Variants in SORBS2 observed in about 807,000 individuals in gnomAD.
SORBS2 encodes the protein sorbin and SH3 domain-containing protein 2.
In SORBS2, 46 loss-of-function variants were observed where a neutral mutation model predicts 97.7. That is an observed-to-expected ratio of 0.47 (90% CI 0.37 to 0.60). The LOEUF is 0.60. Among genes scored for constraint, SORBS2 ranks in the 20% least tolerant of loss-of-function variants. The pLI is 0.00. For missense variants in SORBS2, 1,316 were observed against 1,282.3 expected (o/e 1.03, Z -0.40); for synonymous variants, 476 against 473.4 (o/e 1.01, Z -0.07).
At chr4:185,896,700 G>A (rs372421665) in intron 1 of SORBS2, among the ~76,000 whole-genome samples, 3 of 152,192 alleles carry the variant, frequency 2.0e-5, no homozygotes, top group African/African-American at 7.2e-5. Flanking sequence ...TAGTGTAACA[G>A]GATGATTGGC....
chr4:185,852,434 C>T (rs753034622), intron 1 of SORBS2, among the ~76,000 whole-genome samples: 5 of 151,966 alleles, frequency 3.3e-5, no homozygotes, highest in Non-Finnish European at 7.4e-5. Flanking sequence ...AGGTCACCAA[C>T]CAAAAAATGG....
chr4:185,929,153 A>G (rs1561310355), intron 1 of SORBS2, among the ~76,000 whole-genome samples: 1 of 152,194 alleles, frequency 6.6e-6, no homozygotes, highest in Non-Finnish European at 1.5e-5. Flanking sequence ...ACTTTAGTTT[A>G]CACAAGAATC....
chr4:185,810,913 G>A (rs915357004), intron 1 of SORBS2: 2 of 152,140 alleles, frequency 1.3e-5, no homozygotes, highest in Non-Finnish European at 2.9e-5. Context: ...AATTGTGCAA[G>A]AAAAGAAGTT....
chr4:185,637,354 G>A (rs987827469), intron 4 of SORBS2, among the ~76,000 whole-genome samples: 1 of 152,254 alleles, frequency 6.6e-6, no homozygotes, highest in African/African-American at 2.4e-5. Context: ...GCCTAGGCGT[G>A]TAGCAGGCTC....
chr4:185,780,884 CT>C (rs2099025341), intron 1 of SORBS2, among the ~76,000 whole-genome samples: 1 of 152,126 alleles, frequency 6.6e-6, no homozygotes, highest in Non-Finnish European at 1.5e-5. Context: ...TTCTTAAAAC[CT>C]CTGTTAGAAG....
At chr4:185,706,810 G>A (rs147963187) in intron 2 of SORBS2, among the ~76,000 whole-genome samples, 1 of 152,082 alleles carries the variant, frequency 6.6e-6, no homozygotes, top group African/African-American at 2.4e-5. Flanking sequence ...ACATTGCTAA[G>A]ATTCATCTAT....
chr4:185,884,157 T>C (rs551921724), intron 1 of SORBS2, among the ~76,000 whole-genome samples: 1 of 152,310 alleles, frequency 6.6e-6, no homozygotes, highest in South Asian at 2.1e-4. Context: ...GAGCTATATA[T>C]CTAAAATGGT....
At chr4:185,928,646 T>A (rs34194389) in intron 1 of SORBS2, among the ~76,000 whole-genome samples, 1 of 151,786 alleles carries the variant, frequency 6.6e-6, no homozygotes, top group African/African-American at 2.4e-5. Flanking sequence ...CCTGGGTTCA[T>A]GCCATTCTCC....
chr4:185,868,553 G>A (rs1026013810), intron 1 of SORBS2, among the ~76,000 whole-genome samples: 1 of 152,056 alleles, frequency 6.6e-6, no homozygotes, highest in Non-Finnish European at 1.5e-5. Flanking sequence ...AAACGAAGAC[G>A]ACACAGACAA....
chr4:185,665,055 T>C (rs182640618), intron 4 of SORBS2, among the ~76,000 whole-genome samples: 1 of 152,326 alleles, frequency 6.6e-6, no homozygotes, highest in African/African-American at 2.4e-5. Context: ...ATGGAAAAGA[T>C]GTATATATTG....
At chr4:185,862,360 C>T (rs978385231) in intron 1 of SORBS2, among the ~76,000 whole-genome samples, 2 of 152,194 alleles carry the variant, frequency 1.3e-5, no homozygotes, top group African/African-American at 4.8e-5. Flanking sequence ...AGAATGGCTA[C>T]TGACAGGTTG....
chr4:185,711,065 A>G (rs2098416300), intron 2 of SORBS2, among the ~76,000 whole-genome samples: 1 of 151,872 alleles, frequency 6.6e-6, no homozygotes, highest in Non-Finnish European at 1.5e-5. Flanking sequence ...GACTGCCTGG[A>G]TTCAAGGGAC....
At chr4:185,596,516 C>G (rs1057114099) in intron 12 of SORBS2, among the ~76,000 whole-genome samples, 1 of 149,744 alleles carries the variant, frequency 6.7e-6, no homozygotes, top group African/African-American at 2.5e-5. Context: ...GTGGGGCAGC[C>G]AGCACCGTCC....
intron 1 of SORBS2, among the ~76,000 whole-genome samples, chr4:185,926,316 G>A (rs529129472): frequency 6.6e-6 from 1 of 152,188 alleles, no homozygotes. Flanking sequence ...GTGGCGGCAC[G>A]GGTAGAGGAA....
chr4:185,595,899 C>A (rs905969487), intron 12 of SORBS2, among the ~76,000 whole-genome samples: 1 of 151,870 alleles, frequency 6.6e-6, no homozygotes, highest in African/African-American at 2.4e-5. Context: ...TGCATTAAAG[C>A]CATATGATTT....
chr4:185,602,142 T>TG (rs1426989853), intron 12 of SORBS2, among the ~76,000 whole-genome samples: 1 of 152,162 alleles, frequency 6.6e-6, no homozygotes, highest in East Asian at 1.9e-4. Flanking sequence ...TCCGAGTAGC[T>TG]GGGATTACAG....
At chr4:185,848,041 T>C (rs1454706765) in intron 1 of SORBS2, among the ~76,000 whole-genome samples, 1 of 152,100 alleles carries the variant, frequency 6.6e-6, no homozygotes, top group African/African-American at 2.4e-5. Context: ...CAGGTCATGG[T>C]TTGGGATTGG....
intron 12 of SORBS2, among the ~76,000 whole-genome samples, chr4:185,605,694 C>T (rs758061888): frequency 4.6e-5 from 7 of 152,090 alleles, no homozygotes; most frequent in Non-Finnish European, 1.0e-4. Flanking sequence ...AAGTGATTCT[C>T]CTGCCTCAGC....
At chr4:185,951,593 G>C (rs2099277257) in intron 1 of SORBS2, among the ~76,000 whole-genome samples, 1 of 152,316 alleles carries the variant, frequency 6.6e-6, no homozygotes, top group East Asian at 1.9e-4. Context: ...TCTCAGTGTG[G>C]ATCTGTCAGA....
Sources: allele counts gnomAD v4.1 joint callset (sites outside exome capture counted in the v4.1 genomes callset), GRCh38; gene constraint gnomAD v4.1.1; transcripts MANE v1.5; gene names NCBI Gene and HGNC (gene_info 2026-07-23, HGNC 2026-07-21).